The following NTNG2 variants were observed in gnomAD, a reference collection of about 807,000 sequenced individuals.
The protein encoded by NTNG2 is netrin-G2.
Under a neutral mutation model 47.6 loss-of-function variants are expected in NTNG2, and 15 were observed. That is an observed-to-expected ratio of 0.32 (90% CI 0.21 to 0.49). NTNG2 has a LOEUF of 0.49. Ranked by LOEUF, NTNG2 falls within the 20% of genes least tolerant of loss-of-function variation. The pLI, the probability that NTNG2 is intolerant of heterozygous loss-of-function variation, is 0.99. For missense variants in NTNG2, 578 were observed against 764.6 expected (o/e 0.76, Z 2.88); for synonymous variants, 307 against 324.6 (o/e 0.95, Z 0.58).
chr9:132,172,551 C>T (rs1380353606), intron 2 of NTNG2, among the ~76,000 whole-genome samples: 1 of 152,056 alleles, frequency 6.6e-6, no homozygotes, highest in African/African-American at 2.4e-5. Flanking sequence ...CTGCTTTTCC[C>T]CTGGACTGTG....
intron 2 of NTNG2, among the ~76,000 whole-genome samples, chr9:132,195,296 T>C (rs929728007): frequency 1.3e-5 from 2 of 151,954 alleles, no homozygotes; most frequent in Non-Finnish European, 2.9e-5. Context: ...GATTTCTCTT[T>C]TTTTTGTTTT....
intron 4 of NTNG2, among the ~76,000 whole-genome samples, chr9:132,229,202 C>A (rs771279004): frequency 2.0e-5 from 3 of 152,082 alleles, no homozygotes; most frequent in Non-Finnish European, 4.4e-5. Flanking sequence ...TCCTCAGCAC[C>A]CAAGTCTCCT....
At position 132,226,872 on chromosome 9, in the gene NTNG2, A is replaced by G. The variant is rs763148003; in HGVS notation, c.881A>G (p.Asn294Ser). The part of the protein sequence containing the change: ...IGRCKCNLHA[N>S]LCSMREGSLQ... The stretch of plus-strand genomic sequence containing the variant: ...AGGTGCAAGTGCAACCTGCACGCCA[A>G]CCTGTGCTCCATGCGCGAGGGCAGC... Residue 294 changes from asparagine (N) to serine (S), a missense_variant, in exon 4 of 8, where the codon AAC (asparagine) becomes AGC (serine). Physicochemically the swap from Asn to Ser is conservative, Grantham distance 46. Transcript: ENST00000393229. This position sits in a 1 kb window ranked among gnomAD's most constrained non-coding sequence, Gnocchi z 4.8. The G allele has an allele frequency of 1.2e-6, 2 of 1,608,670 alleles. No homozygotes were observed. The highest frequency in any genetic ancestry group is 2.2e-5 in the South Asian group (2 of 90,262).
At position 132,231,690 on chromosome 9, in the gene NTNG2, A is replaced by T. The variant is rs1589545237; in HGVS notation, c.1054+1095A>T. ...CCCCGACCCCAAAGGCCCTGTGGCCACTGCGGCCACCACAGCCATGACAGG... is the reference window on the plus strand; with the variant it reads ...CCCCGACCCCAAAGGCCCTGTGGCCTCTGCGGCCACCACAGCCATGACAGG... On this transcript the variant is annotated intron_variant, in intron 5 of 7. Transcript: ENST00000393229. The surrounding 1 kb of genome is among the most constrained non-coding windows in gnomAD (Gnocchi z 4.1). 1 of 239,942 alleles carries T rather than the reference A, an allele frequency of 4.2e-6. No homozygotes were observed. Among genetic ancestry groups the T allele is most frequent in the East Asian group, 1.6e-4 (1 of 6,330 alleles). The allele number at this position is 239,942 out of a possible 1,614,324, so 14.9% of individuals were successfully genotyped here.
chr9:132,231,857 C>A lies in NTNG2; in HGVS notation c.1054+1262C>A. The A allele has an allele frequency of 6.3e-6, 1 of 157,998 alleles. No homozygotes were observed. Among genetic ancestry groups the A allele is most frequent in the Admixed American group, 6.0e-5 (1 of 16,628 alleles). 9.8% of individuals were successfully genotyped at this position (157,998 alleles called of 1,614,324 possible). On this transcript the variant is annotated intron_variant, in intron 5 of 7. Coordinates refer to ENST00000393229, the MANE Select transcript of NTNG2 (RefSeq NM_032536.4). The surrounding 1 kb of genome is among the most constrained non-coding windows in gnomAD (Gnocchi z 4.1). The stretch of plus-strand genomic sequence containing the variant: ...CTGCTTCTAGCCTGGGTCCCTGCCT[C>A]TCTTGGGGTGGGAGGGTCGGCAGCC...
chr9:132,227,127 G>A, intron 4 of NTNG2, 106 bp downstream of exon 4: 2 of 1,216,560 alleles, frequency 1.6e-6, no homozygotes, highest in South Asian at 3.1e-5. Flanking sequence ...CTGCACACAG[G>A]CACATACGTG....
chr9:132,174,357 A>C (rs963111298), intron 2 of NTNG2, among the ~76,000 whole-genome samples: 4 of 142,688 alleles, frequency 2.8e-5, no homozygotes, highest in Admixed American at 6.8e-5. Flanking sequence ...CATGCTGCAG[A>C]TTAGACGGAC....
In NTNG2 at chr9:132,198,434, C is replaced by T. The variant is rs1248440400; in HGVS notation, c.682C>T (p.Arg228Cys). Reference sequence around the variant, plus strand: ...CGCCATCTTTGCCGGCCCCGACCTGCGCAACATGGACAACCTCTACACGCG... The same window carrying T: ...CGCCATCTTTGCCGGCCCCGACCTGTGCAACATGGACAACCTCTACACGCG... ...RFAIFAGPDL[R>C]NMDNLYTRLE... The change falls in exon 3 of 8, where the codon CGC (arginine) becomes TGC (cysteine). Residue 228 changes from arginine to cysteine, a missense_variant. By Grantham distance (180) the Arg-to-Cys change is radical. Coordinates refer to ENST00000393229, the MANE Select transcript of NTNG2 (RefSeq NM_032536.4). The T allele has an allele frequency of 3.1e-6, 5 of 1,612,990 alleles. No individual in the cohort carries two copies. The highest frequency in any genetic ancestry group is 1.3e-5 in the African/African-American group (1 of 74,934).
chr9:132,184,583 C>T (rs1359805173), intron 2 of NTNG2, among the ~76,000 whole-genome samples: 7 of 152,278 alleles, frequency 4.6e-5, no homozygotes, highest in South Asian at 2.1e-4. Flanking sequence ...GAAAGCTCCG[C>T]GGGGTGGAGG....
At position 132,231,445 on chromosome 9, in the gene NTNG2, G is replaced by A. The variant is rs1275692201; in HGVS notation, c.1054+850G>A. On this transcript the variant is annotated intron_variant, in intron 5 of 7. Coordinates refer to ENST00000393229, the MANE Select transcript of NTNG2 (RefSeq NM_032536.4). This position sits in a 1 kb window ranked among gnomAD's most constrained non-coding sequence, Gnocchi z 4.1. ...GTCACCCTCCACCAGGGCTCTGTGG[G>A]GCCCCACATCCCACCCAAGTTGTCC... 6 of 414,454 alleles carry A rather than the reference G, an allele frequency of 1.4e-5. No homozygotes were observed. The highest frequency in any genetic ancestry group is 1.1e-4 in the Admixed American group (4 of 36,338). 25.7% of individuals were successfully genotyped at this position (414,454 alleles called of 1,614,324 possible).
chr9:132,164,610 A>G (rs1283107152), intron 1 of NTNG2, among the ~76,000 whole-genome samples: 1 of 152,110 alleles, frequency 6.6e-6, no homozygotes, highest in East Asian at 1.9e-4. Context: ...TTTTTACTAC[A>G]TTTTCTCAGG....
At chr9:132,185,450 C>T (rs145311058) in intron 2 of NTNG2, among the ~76,000 whole-genome samples, 351 of 152,318 alleles carry the variant, frequency 2.3e-3, no homozygotes, top group Non-Finnish European at 4.1e-3. Flanking sequence ...TTTCCTCCCT[C>T]CGTGATAAAA....
intron 2 of NTNG2, 67 bp downstream of exon 2, chr9:132,167,111 G>A (rs889589092): frequency 6.5e-7 from 1 of 1,543,448 alleles, no homozygotes. Context: ...GAGATCCTTG[G>A]GGTGGACGAG....
chr9:132,238,694 C>T (rs956040650), intron 5 of NTNG2, among the ~76,000 whole-genome samples: 4 of 152,374 alleles, frequency 2.6e-5, no homozygotes, highest in South Asian at 2.1e-4. Flanking sequence ...TGAACCCAGG[C>T]GTCGCCCTCC....
rs1842148083 is a variant in NTNG2, at chr9:132,244,416, G to C, written c.*2305G>C. On this transcript the variant is annotated 3_prime_UTR_variant, in exon 8 of 8. Transcript: ENST00000393229. Reference sequence around the variant, plus strand: ...GCTGGTCTCAAACTCCTAGGCTCAAGTGAGCCTCCGGCCTTGGCCTCCCGA... The same window carrying C: ...GCTGGTCTCAAACTCCTAGGCTCAACTGAGCCTCCGGCCTTGGCCTCCCGA... 6.6e-6 allele frequency: 1 copy of C among 152,326 alleles called. No individual in the cohort carries two copies. Among genetic ancestry groups the C allele is most frequent in the Admixed American group, 6.5e-5 (1 of 15,286 alleles). The allele number at this position is 152,326 out of a possible 1,614,324, so 9.4% of individuals were successfully genotyped here. A position where few individuals can be genotyped will look rare whatever the true frequency, so the allele number is the denominator to read the frequency against.
chr9:132,169,716 G>A (rs1229840597), intron 2 of NTNG2, among the ~76,000 whole-genome samples: 1 of 152,218 alleles, frequency 6.6e-6, no homozygotes. Flanking sequence ...GGTGCTGGCG[G>A]GACGGCACAG....
chr9:132,174,795 G>A (rs533684945), intron 2 of NTNG2, among the ~76,000 whole-genome samples: 7 of 152,082 alleles, frequency 4.6e-5, no homozygotes, highest in East Asian at 1.9e-4. Context: ...GGTGGCGCGC[G>A]CCTGTAATCC....
chr9:132,167,000 T>G lies in NTNG2; in HGVS notation c.169T>G (p.Ser57Ala), dbSNP rs751137044. Residue 57 changes from serine to alanine, a missense_variant, in exon 2 of 8, where the codon TCA becomes GCA. Physicochemically the swap from Ser to Ala is moderately conservative, Grantham distance 99 (BLOSUM62 1). Transcript: ENST00000393229. ...KDYVKVKVEP[S>A]GITCGDPPER... ...CTACGTCAAGGTGAAGGTGGAGCCC[T>G]CAGGCATCACATGTGGAGACCCCCC... The G allele has an allele frequency of 1.2e-6, 2 of 1,614,240 alleles. No individual in the cohort carries two copies. Among genetic ancestry groups the G allele is most frequent in the African/African-American group, 2.7e-5 (2 of 75,062 alleles).
At chr9:132,203,199 G>C (rs1258263179) in intron 3 of NTNG2, among the ~76,000 whole-genome samples, 1 of 152,130 alleles carries the variant, frequency 6.6e-6, no homozygotes, top group Non-Finnish European at 1.5e-5. Flanking sequence ...TGGAAGCCAG[G>C]CATGGTGGTG....
Sources: gnomAD v4.1 joint callset for allele counts (sites outside exome capture counted in the v4.1 genomes callset) on GRCh38, gnomAD v4.1.1 for gene constraint, Gnocchi (gnomAD v3.1) non-coding constraint, MANE v1.5 for transcripts, NCBI Gene and HGNC (gene_info 2026-07-23, HGNC 2026-07-21) for gene names.